The following RTL4 variants were observed in gnomAD, a reference collection of about 807,000 sequenced individuals.
The protein encoded by RTL4 is retrotransposon Gag like 4.
A neutral mutation model predicts 5.3 loss-of-function variants in RTL4; 4 were observed. The observed-to-expected ratio is 0.75, with a 90% CI of 0.37 to 1.72. RTL4 has a LOEUF of 1.72. Ranked by LOEUF, RTL4 falls within the 40% of genes most tolerant of loss-of-function variation. The probability of loss-of-function intolerance (pLI) is 0.04; values close to 1 mark genes in which losing one functional copy is unlikely to be tolerated. For missense variants in RTL4, 260 were observed against 227.1 expected (o/e 1.14, Z -0.93); for synonymous variants, 98 against 87.3 (o/e 1.12, Z -0.68).
At chrX:112,265,362 C>T in the RTL4 span, among the ~76,000 whole-genome samples, 5 of 112,092 alleles carry the variant, frequency 4.5e-5, no homozygotes, top group Non-Finnish European at 9.4e-5. Flanking sequence ...ACTCCCAGAG[C>T]GTGGCCTTGA....
chrX:112,189,449 G>A, the RTL4 span, among the ~76,000 whole-genome samples: 1 of 111,515 alleles, frequency 9.0e-6, no homozygotes, highest in Non-Finnish European at 1.9e-5. Context: ...TAAACATTCA[G>A]TTATACTAAT....
chrX:112,258,189 A>G, the RTL4 span, among the ~76,000 whole-genome samples: 4 of 110,520 alleles, frequency 3.6e-5, no homozygotes, highest in African/African-American at 1.3e-4. Flanking sequence ...TTCTCATTAA[A>G]ATGCATTTAA....
the RTL4 span, among the ~76,000 whole-genome samples, chrX:112,201,509 A>G: frequency 9.0e-6 from 1 of 111,025 alleles, no homozygotes; most frequent in African/African-American, 3.3e-5. Flanking sequence ...GCCTTCATTC[A>G]TGGTTATAGT....
the RTL4 span, among the ~76,000 whole-genome samples, chrX:112,083,652 AGT>A: frequency 8.9e-6 from 1 of 112,005 alleles, no homozygotes; most frequent in Non-Finnish European, 1.9e-5. Context: ...TAGGTTGCTT[AGT>A]GGTATCTGTT....
At chrX:112,142,386 C>A in the RTL4 span, among the ~76,000 whole-genome samples, 1 of 112,162 alleles carries the variant, frequency 8.9e-6, no homozygotes, top group Non-Finnish European at 1.9e-5. Flanking sequence ...AAAATATAAT[C>A]CACAGGGACT....
chrX:112,377,750 T>C, the RTL4 span, among the ~76,000 whole-genome samples: 1 of 111,768 alleles, frequency 8.9e-6, no homozygotes. Context: ...GTTTGAGATA[T>C]ATGACACAAC....
chrX:112,241,314 G>T, the RTL4 span, among the ~76,000 whole-genome samples: 1 of 111,574 alleles, frequency 9.0e-6, no homozygotes. Flanking sequence ...CACCAACAGT[G>T]TAAAAGTGTT....
chrX:112,241,486 TCTC>T, the RTL4 span, among the ~76,000 whole-genome samples: 1 of 112,462 alleles, frequency 8.9e-6, no homozygotes, highest in East Asian at 2.8e-4. Context: ...GCTGCATATA[TCTC>T]TTCTTCTGAA....
the RTL4 span, among the ~76,000 whole-genome samples, chrX:112,255,821 C>G: frequency 4.5e-5 from 5 of 111,901 alleles, no homozygotes; most frequent in African/African-American, 1.6e-4. Flanking sequence ...CTTCCTCTGT[C>G]TCCTGGATAC....
the RTL4 span, among the ~76,000 whole-genome samples, chrX:112,164,080 T>A: frequency 2.7e-5 from 3 of 111,698 alleles, no homozygotes; most frequent in Non-Finnish European, 5.6e-5. Flanking sequence ...AATCCAGAGG[T>A]CTAAAGTGAT....
At chrX:112,438,996 A>G in the RTL4 span, among the ~76,000 whole-genome samples, 1 of 111,624 alleles carries the variant, frequency 9.0e-6, no homozygotes, top group Non-Finnish European at 1.9e-5. Context: ...AAAATAATAA[A>G]CTCTGGGGGA....
chrX:112,314,244 G>C, the RTL4 span, among the ~76,000 whole-genome samples: 1 of 111,072 alleles, frequency 9.0e-6, no homozygotes, highest in Admixed American at 9.7e-5. Flanking sequence ...CATCCCACCG[G>C]GGTTTTAAAA....
the RTL4 span, chrX:112,382,219 A>C: frequency 8.8e-7 from 1 of 1,136,544 alleles, no homozygotes; most frequent in Non-Finnish European, 1.2e-6. Context: ...GATTAATCCA[A>C]AGTAACTCCT....
the RTL4 span, among the ~76,000 whole-genome samples, chrX:112,405,331 C>T: frequency 1.8e-5 from 2 of 112,036 alleles, no homozygotes; most frequent in East Asian, 5.6e-4. Flanking sequence ...GCATCACTTA[C>T]TTTTCTCCAT....
At chrX:112,230,478 G>A in the RTL4 span, among the ~76,000 whole-genome samples, 10 of 112,292 alleles carry the variant, frequency 8.9e-5, no homozygotes, top group East Asian at 5.7e-4. Flanking sequence ...TGCGCTTCCC[G>A]GGTGAGGCAA....
chrX:112,291,809 A>G, the RTL4 span, among the ~76,000 whole-genome samples: 2 of 110,347 alleles, frequency 1.8e-5, no homozygotes, highest in African/African-American at 3.3e-5. Context: ...GTTAGCCAGG[A>G]TGGTCTCGAT....
At chrX:112,326,969 A>C in the RTL4 span, among the ~76,000 whole-genome samples, 1 of 111,848 alleles carries the variant, frequency 8.9e-6, no homozygotes, top group Non-Finnish European at 1.9e-5. Context: ...GGAAAACTGA[A>C]AAACAGAAAG....
the RTL4 span, among the ~76,000 whole-genome samples, chrX:112,195,425 C>T: frequency 8.9e-6 from 1 of 112,091 alleles, no homozygotes; most frequent in East Asian, 2.8e-4. Context: ...TCTGTCTACT[C>T]ATTTAAACAA....
the RTL4 span, among the ~76,000 whole-genome samples, chrX:112,155,411 A>G: frequency 9.0e-6 from 1 of 111,557 alleles, no homozygotes; most frequent in African/African-American, 3.2e-5. Flanking sequence ...GGCTATTTGC[A>G]CTGAGCGAGG....
Sources: gnomAD v4.1 joint callset for allele counts (sites outside exome capture counted in the v4.1 genomes callset) on GRCh38, gnomAD v4.1.1 for gene constraint, MANE v1.5 for transcripts, NCBI Gene and HGNC (gene_info 2026-07-23, HGNC 2026-07-21) for gene names.